FHIP1A: variants seen among roughly 807,000 people sequenced by gnomAD.
FHIP1A encodes the protein FHF complex subunit HOOK interacting protein 1A.
FHIP1A carries 61 observed loss-of-function variants against 88.6 expected under a neutral mutation model. The observed-to-expected ratio is 0.69, with a 90% CI of 0.56 to 0.85. The LOEUF is 0.85. Ranked by LOEUF, FHIP1A falls within the 40% of genes least tolerant of loss-of-function variation. The pLI is 0.00. For missense variants in FHIP1A, 1,154 were observed against 1,273.5 expected (o/e 0.91, Z 1.43); for synonymous variants, 478 against 496.0 (o/e 0.96, Z 0.48).
chr4:151,622,205 A>C (rs899299265), intron 7 of FHIP1A, among the ~76,000 whole-genome samples: 1 of 152,170 alleles, frequency 6.6e-6, no homozygotes, highest in Non-Finnish European at 1.5e-5. Context: ...TGAGAGGTTT[A>C]ATAAGAATTC....
Position 151,650,205 on chromosome 4 carries a change from C to T in FHIP1A, c.2164C>T (p.Pro722Ser), listed in dbSNP as rs1043782284. The change falls in exon 11 of 14, where the codon CCA becomes TCA. Residue 722 changes from proline to serine, a missense_variant. By Grantham distance (74) the Pro-to-Ser change is moderately conservative. Transcript: ENST00000435205. ...GCAAGAGAGGGAACCTGAAGCAGCC[C>T]CAGAATCCAACTCAGAGTTAGCATC... ...PKQEREPEAA[P>S]ESNSELASPA... is the part of the protein sequence containing the mutation. 3.2e-6 allele frequency: 5 copies of T among 1,551,594 alleles called. No homozygotes were observed. The African/African-American group carries it at 6.8e-5, about 21-fold the overall frequency.
At chr4:151,638,178 A>G (rs1313186106) in intron 8 of FHIP1A, among the ~76,000 whole-genome samples, 1 of 152,184 alleles carries the variant, frequency 6.6e-6, no homozygotes, top group African/African-American at 2.4e-5. Context: ...AAGCCAAGAG[A>G]GGAGCTGAGC....
rs145726425 is a variant in FHIP1A at position 151,626,181 on chromosome 4, C to T, written c.979-3521C>T. On this transcript the variant is annotated intron_variant, in intron 7 of 13. Coordinates refer to ENST00000435205, the MANE Select transcript of FHIP1A (RefSeq NM_001109977.3). ...AAACAGGACTTGCCCTTACTACATGCAGGGCACTCTAATATTTTCTATTGG... is the reference window on the plus strand; with the variant it reads ...AAACAGGACTTGCCCTTACTACATGTAGGGCACTCTAATATTTTCTATTGG... Among the ~76,000 whole-genome samples the T allele has an allele frequency of 2.4e-3, 361 of 152,310 alleles. 1 individual carries two copies. The highest frequency in any genetic ancestry group is 4.2e-3 in the Non-Finnish European group (286 of 68,022).
chr4:151,587,683 A>G (rs566345137), intron 6 of FHIP1A, among the ~76,000 whole-genome samples: 1 of 152,054 alleles, frequency 6.6e-6, no homozygotes, highest in Non-Finnish European at 1.5e-5. Context: ...TGATTGTAGG[A>G]TGAAAGATGT....
intron 3 of FHIP1A, among the ~76,000 whole-genome samples, chr4:151,538,175 A>G (rs948831747): frequency 6.6e-6 from 1 of 152,278 alleles, no homozygotes; most frequent in East Asian, 1.9e-4. Context: ...CTTTAACCTC[A>G]TGGCCTGGTT....
chr4:151,539,426 T>C (rs1327577741), intron 3 of FHIP1A, among the ~76,000 whole-genome samples: 4 of 151,858 alleles, frequency 2.6e-5, no homozygotes, highest in Non-Finnish European at 4.4e-5. Flanking sequence ...TAGCCGGGCA[T>C]GATGGTGGGT....
chr4:151,519,462 T>G (rs1418324837), intron 3 of FHIP1A, among the ~76,000 whole-genome samples: 1 of 152,152 alleles, frequency 6.6e-6, no homozygotes, highest in Non-Finnish European at 1.5e-5. Flanking sequence ...TGAATCACAG[T>G]TTCCTTATTT....
intron 3 of FHIP1A, among the ~76,000 whole-genome samples, chr4:151,532,477 C>T (rs928872341): frequency 7.9e-5 from 12 of 152,310 alleles, no homozygotes; most frequent in Non-Finnish European, 1.8e-4. Flanking sequence ...AGAGGTGCCA[C>T]AAGAGCCTCC....
intron 1 of FHIP1A, among the ~76,000 whole-genome samples, chr4:151,412,352 C>T (rs1732684254): frequency 6.6e-6 from 1 of 151,948 alleles, no homozygotes; most frequent in Non-Finnish European, 1.5e-5. Context: ...GTGACCCACC[C>T]ACCTCGGCCT....
chr4:151,526,459 G>T (rs907317204), intron 3 of FHIP1A, among the ~76,000 whole-genome samples: 1 of 147,404 alleles, frequency 6.8e-6, no homozygotes, highest in African/African-American at 2.6e-5. Flanking sequence ...CCTCCCTCCC[G>T]GATGAGGCGG....
At chr4:151,410,708 A>C (rs1185149923) in intron 1 of FHIP1A, among the ~76,000 whole-genome samples, 1 of 152,232 alleles carries the variant, frequency 6.6e-6, no homozygotes, top group Admixed American at 6.5e-5. Context: ...GGAGAACTTC[A>C]AAGGTCTTCT....
chr4:151,628,763 G>C (rs112642690), intron 7 of FHIP1A, among the ~76,000 whole-genome samples: 1 of 152,116 alleles, frequency 6.6e-6, no homozygotes, highest in African/African-American at 2.4e-5. Context: ...TGGTTTTCAC[G>C]CATTCAGGTG....
chr4:151,647,137 A>G (rs958424279), intron 10 of FHIP1A, among the ~76,000 whole-genome samples: 16 of 152,328 alleles, frequency 1.1e-4, no homozygotes, highest in Admixed American at 9.2e-4. Flanking sequence ...ATCTGTCATA[A>G]GGATTTACAT....
intron 2 of FHIP1A, among the ~76,000 whole-genome samples, 178 bp downstream of exon 2, chr4:151,454,986 C>T (rs957904360): frequency 1.3e-5 from 2 of 152,094 alleles, no homozygotes; most frequent in Non-Finnish European, 2.9e-5. Flanking sequence ...TGGTTTGGAA[C>T]AGAGATACCA....
chr4:151,454,144 C>CT (rs1360048140), intron 1 of FHIP1A, among the ~76,000 whole-genome samples: 10 of 138,448 alleles, frequency 7.2e-5, no homozygotes, highest in Admixed American at 2.2e-4. Flanking sequence ...ATACAATGTC[C>CT]TTTTGATTTT....
chr4:151,655,846 A>G (rs575886651), intron 11 of FHIP1A, among the ~76,000 whole-genome samples: 2 of 152,198 alleles, frequency 1.3e-5, no homozygotes, highest in Non-Finnish European at 2.9e-5. Flanking sequence ...CAGTCTGTGC[A>G]TCATGAGATG....
chr4:151,609,910 C>G (rs1486892618), intron 7 of FHIP1A, among the ~76,000 whole-genome samples: 2 of 151,942 alleles, frequency 1.3e-5, no homozygotes, highest in East Asian at 3.9e-4. Flanking sequence ...CCCCAAAAAA[C>G]TAAAATAAAT....
chr4:151,645,314 G>A (rs1578856560), intron 9 of FHIP1A, among the ~76,000 whole-genome samples: 1 of 152,096 alleles, frequency 6.6e-6, no homozygotes, highest in East Asian at 1.9e-4. Context: ...TACCTGGAAA[G>A]TATTATTAAA....
At chr4:151,424,807 TA>T (rs10714490) in intron 1 of FHIP1A, among the ~76,000 whole-genome samples, 66,747 of 142,558 alleles carry the variant, frequency 0.47, 15,054 homozygotes, top group Non-Finnish European at 0.52. Flanking sequence ...ATCTTTCCTG[TA>T]AAAAAAAAAA....
Sources: allele counts gnomAD v4.1 joint callset (sites outside exome capture counted in the v4.1 genomes callset), GRCh38; gene constraint gnomAD v4.1.1; transcripts MANE v1.5; gene names NCBI Gene and HGNC (gene_info 2026-07-23, HGNC 2026-07-21).